The following ADAM7 variants were observed in gnomAD, a reference collection of about 807,000 sequenced individuals.
ADAM7 encodes the protein disintegrin and metalloproteinase domain-containing protein 7.
A neutral mutation model predicts 102.9 loss-of-function variants in ADAM7; 97 were observed. That is an observed-to-expected ratio of 0.94 (90% CI 0.80 to 1.12). ADAM7 has a LOEUF of 1.12. Ranked by LOEUF, ADAM7 falls within the 50% of genes most tolerant of loss-of-function variation. The pLI is 0.00. For synonymous variants in ADAM7, 334 were observed against 304.4 expected (o/e 1.10, Z -1.01); for missense variants, 991 against 908.7 (o/e 1.09, Z -1.16).
chr8:24,461,981 C>A (rs1319335870), intron 3 of ADAM7, among the ~76,000 whole-genome samples: 1 of 152,182 alleles, frequency 6.6e-6, no homozygotes, highest in Non-Finnish European at 1.5e-5. Context: ...AGATAAGCCT[C>A]TGCTGATCAT....
At chr8:24,463,791 C>G in intron 3 of ADAM7, 91 bp from the exon 4 acceptor site, 1 of 1,084,944 alleles carries the variant, frequency 9.2e-7, no homozygotes. Context: ...GATTTGGAAG[C>G]AAACTGGACA....
Position 24,493,231 on chromosome 8 carries a change from T to A in ADAM7, c.1842+2T>A, listed in dbSNP as rs771048624. On this transcript the variant is annotated splice_donor_variant, in intron 16 of 21. Coordinates refer to ENST00000175238, the MANE Select transcript of ADAM7 (RefSeq NM_003817.4). LOFTEE classifies it high-confidence loss of function. Reference sequence around the variant, plus strand: ...GGAACAAAATGTGGAGAGGGAATGGTAAGACAAAAGCCCTTTGTTTTATTA... The same window carrying A: ...GGAACAAAATGTGGAGAGGGAATGGAAAGACAAAAGCCCTTTGTTTTATTA... The A allele has an allele frequency of 2.8e-5, 44 of 1,592,072 alleles. No homozygotes were observed. Among genetic ancestry groups the A allele is most frequent in the Admixed American group, 5.4e-5 (3 of 55,896 alleles).
chr8:24,507,431 G>A (rs369081634), intron 20 of ADAM7, 49 bp from the exon 21 acceptor site: 160 of 1,474,514 alleles, frequency 1.1e-4, no homozygotes, highest in African/African-American at 3.1e-4. Context: ...ATGCCCATGC[G>A]TGTAACATCT....
At chr8:24,461,876 A>G (rs1342308744) in intron 3 of ADAM7, among the ~76,000 whole-genome samples, 1 of 152,208 alleles carries the variant, frequency 6.6e-6, no homozygotes, top group Non-Finnish European at 1.5e-5. Context: ...ACATTTTTGC[A>G]TGCATTGCAA....
chr8:24,448,836 T>C (rs1382194140), intron 3 of ADAM7, among the ~76,000 whole-genome samples: 1 of 152,092 alleles, frequency 6.6e-6, no homozygotes, highest in African/African-American at 2.4e-5. Flanking sequence ...CAGTGTGTGA[T>C]GTTCCCCTTC....
At chr8:24,475,550 T>C (rs899561838) in intron 7 of ADAM7, among the ~76,000 whole-genome samples, 1 of 152,114 alleles carries the variant, frequency 6.6e-6, no homozygotes, top group Non-Finnish European at 1.5e-5. Context: ...ATAGTTTCAA[T>C]GGAATAGTGG....
At position 24,493,218 on chromosome 8, in the gene ADAM7, G is replaced by A. The variant is rs1585916974; in HGVS notation, c.1831G>A (p.Gly611Arg). Residue 611 changes from glycine (G) to arginine (R), a missense_variant, in exon 16 of 22, where the codon GGA becomes AGA. Gly to Arg is a moderately radical substitution (Grantham distance 125). Coordinates refer to ENST00000175238, the MANE Select transcript of ADAM7 (RefSeq NM_003817.4). ...IGLVASGTKCGEGMVCNNGEC... is the reference protein window; with the variant it reads ...IGLVASGTKCREGMVCNNGEC... ...CCTGGTGGCGTCAGGAACAAAATGTGGAGAGGGAATGGTAAGACAAAAGCC... is the reference window on the plus strand; with the variant it reads ...CCTGGTGGCGTCAGGAACAAAATGTAGAGAGGGAATGGTAAGACAAAAGCC... 2 of 1,600,802 alleles carry A rather than the reference G, an allele frequency of 1.2e-6. No homozygotes were observed. Among genetic ancestry groups the A allele is most frequent in the South Asian group, 2.3e-5 (2 of 88,162 alleles).
At position 24,500,218 on chromosome 8, in the gene ADAM7, A is replaced by G; in HGVS notation, c.1964A>G (p.Gln655Arg). Residue 655 changes from glutamine to arginine, a missense_variant, in exon 18 of 22, where the codon CAG becomes CGG. Gln to Arg is a conservative substitution (Grantham distance 43). Transcript: ENST00000175238. Reference sequence around the variant, plus strand: ...CTCCAGTGCCACTGTGAGGAAGGACAGGCACCTGTAGCCTGTGAAGAAACC... The same window carrying G: ...CTCCAGTGCCACTGTGAGGAAGGACGGGCACCTGTAGCCTGTGAAGAAACC... ...HGLQCHCEEG[Q>R]APVACEETLH... is the part of the protein sequence containing the mutation. 1 of 1,612,168 alleles carries G rather than the reference A, an allele frequency of 6.2e-7. No homozygotes were observed. The highest frequency in any genetic ancestry group is 1.1e-5 in the South Asian group (1 of 90,940).
rs1820710980 is a variant in ADAM7, at chr8:24,500,262, C to T, written c.2002+6C>T. ...AGAAACCTTACATGTTACCAGTGAG[C>T]ATCCTAAAACAAAATCTTTCATATA... On this transcript the variant is annotated splice_donor_region_variant and intron_variant, in intron 18 of 21. Coordinates refer to ENST00000175238, the MANE Select transcript of ADAM7 (RefSeq NM_003817.4). The T allele has an allele frequency of 1.3e-6, 2 of 1,596,974 alleles. No homozygotes were observed. Among genetic ancestry groups the T allele is most frequent in the African/African-American group, 1.3e-5 (1 of 74,720 alleles).
intron 5 of ADAM7, 108 bp from the exon 6 acceptor site, chr8:24,466,691 C>T: frequency 1.0e-6 from 1 of 967,254 alleles, no homozygotes. Flanking sequence ...CCTACCTGTT[C>T]ATGAAGCACT....
chr8:24,497,137 A>C (rs1429559800), intron 16 of ADAM7, among the ~76,000 whole-genome samples: 1 of 152,180 alleles, frequency 6.6e-6, no homozygotes, highest in East Asian at 1.9e-4. Context: ...ATTTTCCTGC[A>C]CAAGCTCTCT....
At chr8:24,454,036 T>C (rs1216638941) in intron 3 of ADAM7, among the ~76,000 whole-genome samples, 1 of 152,192 alleles carries the variant, frequency 6.6e-6, no homozygotes, top group Non-Finnish European at 1.5e-5. Flanking sequence ...AGTACCCGGC[T>C]GTGTGAGATG....
At chr8:24,467,417 GT>G in intron 6 of ADAM7, 1 of 175,874 alleles carries the variant, frequency 5.7e-6, no homozygotes, top group Non-Finnish European at 1.2e-5. Context: ...AACAAGTTCA[GT>G]TTTTGGTGGG....
chr8:24,445,857 G>A (rs1008718400), intron 2 of ADAM7, among the ~76,000 whole-genome samples: 1 of 152,096 alleles, frequency 6.6e-6, no homozygotes, highest in Non-Finnish European at 1.5e-5. Flanking sequence ...TTCTTCAAAT[G>A]TGTCATGTTC....
chr8:24,499,422 C>G (rs772005333), intron 17 of ADAM7, 106 bp downstream of exon 17: 154 of 764,200 alleles, frequency 2.0e-4, no homozygotes, highest in Non-Finnish European at 2.7e-4. Context: ...ATTTTTGCTG[C>G]TTTCTAAATC....
intron 3 of ADAM7, among the ~76,000 whole-genome samples, chr8:24,461,301 A>T (rs1488574207): frequency 6.8e-6 from 1 of 147,914 alleles, no homozygotes; most frequent in African/African-American, 2.5e-5. Flanking sequence ...GGTTTTCTGT[A>T]TTTTTTTAAG....
At position 24,457,097 on chromosome 8, in the gene ADAM7, T is replaced by G. The variant is rs566107424; in HGVS notation, c.234-6785T>G. 2.0e-5 allele frequency among the ~76,000 whole-genome samples: 3 copies of G among 152,356 alleles called. No individual in the cohort carries two copies. The East Asian group carries it at 5.8e-4, about 29-fold the overall frequency. On this transcript the variant is annotated intron_variant, in intron 3 of 21. Coordinates refer to ENST00000175238, the MANE Select transcript of ADAM7 (RefSeq NM_003817.4). Reference sequence around the variant, plus strand: ...ATGTATGAGAATACTACCTGCTGTATGTATTCCTCATCATTTTATACTGTC... The same window carrying G: ...ATGTATGAGAATACTACCTGCTGTAGGTATTCCTCATCATTTTATACTGTC...
chr8:24,502,091 T>C (rs1413258709), intron 20 of ADAM7, among the ~76,000 whole-genome samples: 1 of 152,038 alleles, frequency 6.6e-6, no homozygotes, highest in Non-Finnish European at 1.5e-5. Flanking sequence ...CAGAATTAAA[T>C]TACAATAGAA....
In ADAM7 at chr8:24,506,148, A is replaced by G. The variant is rs1037221198; in HGVS notation, c.2209-1332A>G. ...CACTAGTTTTTCAAGTCCCCACTAC[A>G]TCACACTGGTACGTTCCCCTCCCCT... On this transcript the variant is annotated intron_variant, in intron 20 of 21. Transcript: ENST00000175238. 1.4e-5 allele frequency: 21 copies of G among 1,549,282 alleles called. No individual in the cohort carries two copies. The African/African-American group carries it at 2.7e-4, about 20-fold the overall frequency.
Sources: gnomAD v4.1 joint callset for allele counts (sites outside exome capture counted in the v4.1 genomes callset) on GRCh38, gnomAD v4.1.1 for gene constraint, MANE v1.5 for transcripts, NCBI Gene and HGNC (gene_info 2026-07-23, HGNC 2026-07-21) for gene names.